The following ENPP2 variants were observed in gnomAD, a reference collection of about 807,000 sequenced individuals.
The protein encoded by ENPP2 is ectonucleotide pyrophosphatase/phosphodiesterase 2, also known as autotaxin.
A neutral mutation model predicts 120.2 loss-of-function variants in ENPP2; 51 were observed. The observed-to-expected ratio is 0.42, with a 90% confidence interval of 0.34 to 0.54. ENPP2 has a LOEUF of 0.54. Ranked by LOEUF, ENPP2 falls within the 20% of genes least tolerant of loss-of-function variation. ENPP2 has a pLI of 0.04. For synonymous variants in ENPP2, 365 were observed against 366.4 expected, an observed-to-expected ratio of 1.00 and a Z score of 0.04; for missense variants, 920 against 1,066.5, an observed-to-expected ratio of 0.86 and a Z score of 1.91.
intron 13 of ENPP2, 114 bp downstream of exon 13, chr8:119,590,390 TA>T (rs1813412530): frequency 1.8e-5 from 13 of 733,332 alleles, no homozygotes; most frequent in Non-Finnish European, 2.1e-6. Context: ...GTCACTCAGC[TA>T]AGCGGTAGCA....
intron 21 of ENPP2, 52 bp from the exon 22 acceptor site, chr8:119,568,304 G>GT: frequency 1.3e-6 from 1 of 776,704 alleles, no homozygotes; most frequent in South Asian, 1.6e-5. Context: ...ATCTATATCA[G>GT]TTAAAAAAAA....
intron 1 of ENPP2, among the ~76,000 whole-genome samples, chr8:119,660,662 T>C (rs373013754): frequency 2.0e-5 from 3 of 152,272 alleles, no homozygotes; most frequent in East Asian, 3.9e-4. Flanking sequence ...CTTGTTTCAT[T>C]CTAAAAATGA....
intron 1 of ENPP2, among the ~76,000 whole-genome samples, chr8:119,648,923 G>T (rs1213344870): frequency 6.6e-6 from 1 of 152,090 alleles, no homozygotes; most frequent in Non-Finnish European, 1.5e-5. Flanking sequence ...AAATTGGGAA[G>T]GAAGAAATAA....
rs72688206 is a variant in ENPP2, at chr8:119,560,665, A to G, written c.2421+2192T>C. Among the ~76,000 whole-genome samples, 1,400 of 152,122 alleles carry G rather than the reference A, an allele frequency of 9.2e-3. 5 individuals are homozygous for G. The highest frequency in any genetic ancestry group is 0.017 in the Middle Eastern group (5 of 294). ...AAAAACGTTGCTCTTCCAACTAAAC[A>G]TTTTCCTTGGGTACCTAATGCCTAA... is the stretch of plus-strand genomic sequence containing the variant. On this transcript the variant is annotated intron_variant, in intron 24 of 24. Transcript: ENST00000075322.
intron 3 of ENPP2, among the ~76,000 whole-genome samples, chr8:119,623,275 C>A (rs191640996): frequency 2.0e-5 from 3 of 151,944 alleles, no homozygotes; most frequent in African/African-American, 7.3e-5. Context: ...ACCAGCCTGG[C>A]CAACATGGTG....
chr8:119,569,742 C>CTGTGTG (rs55992622), intron 20 of ENPP2, among the ~76,000 whole-genome samples: 18,308 of 146,232 alleles, frequency 0.13, 1,258 homozygotes, highest in Middle Eastern at 0.16. Flanking sequence ...GACTATTTAT[C>CTGTGTG]TGTGTGTGTG....
intron 5 of ENPP2, 35 bp from the exon 6 acceptor site, chr8:119,617,598 T>C (rs779509572): frequency 1.5e-5 from 22 of 1,447,490 alleles, no homozygotes; most frequent in Non-Finnish European, 2.0e-5. Flanking sequence ...TTAGAAACAT[T>C]ATTACCAGAG....
intron 8 of ENPP2, among the ~76,000 whole-genome samples, chr8:119,610,377 A>T (rs1430115220): frequency 6.6e-6 from 1 of 152,198 alleles, no homozygotes; most frequent in African/African-American, 2.4e-5. Flanking sequence ...TAAAAACTGA[A>T]CAAAAAAGAT....
intron 12 of ENPP2, among the ~76,000 whole-genome samples, chr8:119,590,935 AAACAAC>A (rs892331903): frequency 1.2e-4 from 18 of 151,582 alleles, no homozygotes; most frequent in Non-Finnish European, 2.4e-4. Context: ...ACCATGATTT[AAACAAC>A]AACAACAACA....
At chr8:119,601,594 T>C in intron 9 of ENPP2, 132 bp from the exon 10 acceptor site, 1 of 651,474 alleles carries the variant, frequency 1.5e-6, no homozygotes, top group East Asian at 2.7e-5. Flanking sequence ...TCATTTGTAG[T>C]AAAAGGCCCT....
At chr8:119,630,815 G>A (rs1033488822) in intron 2 of ENPP2, among the ~76,000 whole-genome samples, 14 of 152,082 alleles carry the variant, frequency 9.2e-5, no homozygotes, top group Non-Finnish European at 1.8e-4. Context: ...GAAAGAAAAA[G>A]GGAAGGTAGT....
chr8:119,650,259 C>T (rs540242172), intron 1 of ENPP2, among the ~76,000 whole-genome samples: 12 of 152,154 alleles, frequency 7.9e-5, no homozygotes, highest in African/African-American at 2.4e-4. Context: ...TTTATGATTC[C>T]GTTTATATAA....
intron 1 of ENPP2, among the ~76,000 whole-genome samples, chr8:119,644,212 T>G (rs1817364407): frequency 6.7e-6 from 1 of 148,876 alleles, no homozygotes. Flanking sequence ...TCAGAGGGAG[T>G]CAAGAATGGA....
At chr8:119,593,032 G>T in intron 12 of ENPP2, 13 of 783,318 alleles carry the variant, frequency 1.7e-5, no homozygotes, top group Non-Finnish European at 2.0e-5. Context: ...AATAGTTCCG[G>T]AATACAGGAG....
chr8:119,617,098 CT>C, intron 7 of ENPP2, 65 bp downstream of exon 7: 1 of 1,009,664 alleles, frequency 9.9e-7, no homozygotes, highest in Non-Finnish European at 1.6e-6. Flanking sequence ...AGTAAAGTCT[CT>C]CCTTTAAAGT....
upstream of ENPP2, among the ~76,000 whole-genome samples, chr8:119,642,972 T>G (rs887165350): frequency 1.3e-5 from 2 of 152,184 alleles, no homozygotes; most frequent in Admixed American, 6.5e-5. Context: ...CACCCAGAGT[T>G]TCTCATTATG....
chr8:119,618,294 C>T (rs1250275471), intron 5 of ENPP2: 1 of 497,556 alleles, frequency 2.0e-6, no homozygotes, highest in Admixed American at 2.0e-5. Context: ...GTATCCTCTC[C>T]CCAGGAGATG....
intron 1 of ENPP2, among the ~76,000 whole-genome samples, chr8:119,643,852 A>C (rs1020163343): frequency 2.0e-5 from 3 of 152,236 alleles, no homozygotes; most frequent in Non-Finnish European, 4.4e-5. Context: ...GTAAGTGTTC[A>C]TTGAGCTGCG....
intron 24 of ENPP2, among the ~76,000 whole-genome samples, chr8:119,560,642 A>C (rs979085045): frequency 4.6e-5 from 7 of 152,212 alleles, no homozygotes; most frequent in African/African-American, 1.7e-4. Flanking sequence ...GCAGAGCCAA[A>C]AACGTTGCTC....
Sources: gnomAD v4.1 joint callset for allele counts (sites outside exome capture counted in the v4.1 genomes callset) on GRCh38, gnomAD v4.1.1 for gene constraint, MANE v1.5 for transcripts, NCBI Gene and HGNC (gene_info 2026-07-23, HGNC 2026-07-21) for gene names.